The following MTMR7 variants were observed in gnomAD, a reference collection of about 807,000 sequenced individuals.
The protein encoded by MTMR7 is myotubularin related protein 7, also known as phosphatidylinositol-3-phosphate phosphatase MTMR7.
In MTMR7, 76 loss-of-function variants were observed where a neutral mutation model predicts 81.2. That is an observed-to-expected ratio of 0.94 (90% confidence interval 0.78 to 1.13). The LOEUF is 1.13. Ranked by LOEUF, MTMR7 falls within the 50% of genes most tolerant of loss-of-function variation. MTMR7 has a pLI of 0.00. For missense variants in MTMR7, 1,044 were observed against 820.0 expected (o/e 1.27, Z -3.34); for synonymous variants, 372 against 289.8 (o/e 1.28, Z -2.88).
intron 7 of MTMR7, chr8:17,326,458 T>G (rs951525458): frequency 2.6e-5 from 4 of 152,230 alleles, no homozygotes; most frequent in African/African-American, 9.6e-5. Flanking sequence ...TAATGATCCT[T>G]GTGGTCACAA....
chr8:17,304,270 C>G (rs764680380), intron 12 of MTMR7, 109 bp downstream of exon 12: 31 of 1,252,178 alleles, frequency 2.5e-5, no homozygotes, highest in Non-Finnish European at 3.4e-5. Flanking sequence ...TCTTTTGTGT[C>G]CAATAAAAGC....
chr8:17,302,873 T>C (rs1371910297), intron 12 of MTMR7, among the ~76,000 whole-genome samples: 1 of 151,794 alleles, frequency 6.6e-6, no homozygotes, highest in Admixed American at 6.6e-5. Flanking sequence ...CCACCATGCC[T>C]AATTTTATAT....
At chr8:17,359,619 G>A (rs2150555865) in intron 4 of MTMR7, among the ~76,000 whole-genome samples, 1 of 145,506 alleles carries the variant, frequency 6.9e-6, no homozygotes, top group Non-Finnish European at 1.5e-5. Context: ...AAATCCCTGT[G>A]ACAAGGTCAA....
intron 1 of MTMR7, among the ~76,000 whole-genome samples, chr8:17,413,053 C>A (rs980164490): frequency 6.6e-6 from 1 of 152,214 alleles, no homozygotes; most frequent in Non-Finnish European, 1.5e-5. Flanking sequence ...AGAGGTCAGA[C>A]CCAGCAGCAG....
chr8:17,316,810 C>T (rs1818107361), intron 7 of MTMR7, among the ~76,000 whole-genome samples: 1 of 151,996 alleles, frequency 6.6e-6, no homozygotes, highest in Non-Finnish European at 1.5e-5. Context: ...TGCAAATACA[C>T]CATGTTATTA....
chr8:17,405,206 G>A (rs1243417916), intron 1 of MTMR7, among the ~76,000 whole-genome samples: 1 of 152,178 alleles, frequency 6.6e-6, no homozygotes, highest in Non-Finnish European at 1.5e-5. Flanking sequence ...TCAAATACTA[G>A]GGGATTCACT....
chr8:17,332,842 G>A (rs889560662), intron 6 of MTMR7, among the ~76,000 whole-genome samples: 7 of 152,026 alleles, frequency 4.6e-5, no homozygotes, highest in South Asian at 4.2e-4. Context: ...AAGTTTTTGC[G>A]TGTTTATCAA....
intron 4 of MTMR7, among the ~76,000 whole-genome samples, chr8:17,351,692 T>C (rs916090205): frequency 6.6e-6 from 1 of 152,126 alleles, no homozygotes; most frequent in African/African-American, 2.4e-5. Flanking sequence ...GAGCACTGGG[T>C]CTAGGGGAAA....
intron 5 of MTMR7, among the ~76,000 whole-genome samples, chr8:17,347,440 C>T (rs11993005): frequency 6.6e-6 from 1 of 151,994 alleles, no homozygotes; most frequent in Non-Finnish European, 1.5e-5. Flanking sequence ...ATGAAGCTGG[C>T]ATTGCTCCAG....
intron 7 of MTMR7, among the ~76,000 whole-genome samples, chr8:17,319,757 A>AGGCTCCAGTCT (rs948544337): frequency 9.2e-5 from 14 of 152,302 alleles, no homozygotes; most frequent in Admixed American, 9.2e-4. Context: ...TGGTGAGACG[A>AGGCTCCAGTCT]GGCTCCAGTC....
chr8:17,334,708 T>C (rs1267039970), intron 6 of MTMR7, among the ~76,000 whole-genome samples: 1 of 152,044 alleles, frequency 6.6e-6, no homozygotes, highest in Non-Finnish European at 1.5e-5. Flanking sequence ...GAACTGACAA[T>C]GGAAAGGAAA....
rs779144225 is a variant in MTMR7 at position 17,373,150 on chromosome 8, C to G, written c.115G>C (p.Glu39Gln). Residue 39 changes from glutamate to glutamine, a missense_variant, in exon 2 of 14, where the codon GAA becomes CAA. Coordinates refer to ENST00000180173, the MANE Select transcript of MTMR7 (RefSeq NM_004686.5). ...TCTTTTCTTGGGTCAGGTGAATTTTCCACGAATATGACATGGGTAGCCGTC... is the reference window on the plus strand; with the variant it reads ...TCTTTTCTTGGGTCAGGTGAATTTTGCACGAATATGACATGGGTAGCCGTC... ...YLTATHVIFV[E>Q]NSPDPRKETW... is the part of the protein sequence containing the mutation. 1.1e-5 allele frequency: 18 copies of G among 1,613,648 alleles called. No homozygotes were observed. Among genetic ancestry groups the G allele is most frequent in the Non-Finnish European group, 1.5e-5 (18 of 1,179,790 alleles).
chr8:17,390,073 T>TA (rs71215250), intron 1 of MTMR7, among the ~76,000 whole-genome samples: 8,896 of 131,816 alleles, frequency 0.067, 838 homozygotes, highest in African/African-American at 0.21. Flanking sequence ...GGGAATATGT[T>TA]AAAAAAAAAA....
chr8:17,313,304 G>A lies in MTMR7; in HGVS notation c.963C>T (p.Ile321=), dbSNP rs1290279609. The A allele has an allele frequency of 6.2e-7, 1 of 1,610,810 alleles. No individual in the cohort carries two copies. The highest frequency in any genetic ancestry group is 8.5e-7 in the Non-Finnish European group (1 of 1,177,528). The change falls in exon 8 of 14, where the codon ATC becomes ATT. Residue 321 remains isoleucine, a synonymous_variant. Transcript: ENST00000180173. ...RHIKAIMDAG[I]FIAKAVSEEG... is the part of the protein sequence containing the mutation. The stretch of plus-strand genomic sequence containing the variant: ...TGCAATTGCATACCTTTGCAATGAA[G>A]ATTCCTGCATCCATTATGGCTTTAA...
chr8:17,391,919 T>G (rs1306792618), intron 1 of MTMR7, among the ~76,000 whole-genome samples: 3 of 152,200 alleles, frequency 2.0e-5, no homozygotes, highest in Non-Finnish European at 4.4e-5. Flanking sequence ...TCCTGGGAAG[T>G]ACTTTTACTC....
At chr8:17,341,763 C>T (rs1347228485) in intron 5 of MTMR7, among the ~76,000 whole-genome samples, 1 of 152,186 alleles carries the variant, frequency 6.6e-6, no homozygotes, top group African/African-American at 2.4e-5. Flanking sequence ...TTATGATATT[C>T]AAAACCATTT....
At chr8:17,354,955 T>C (rs572460876) in intron 4 of MTMR7, among the ~76,000 whole-genome samples, 147 of 152,292 alleles carry the variant, frequency 9.7e-4, no homozygotes, top group African/African-American at 3.3e-3. Context: ...TGTTCCTTGT[T>C]AGTTTTGTTT....
chr8:17,404,871 G>C (rs1821532698), intron 1 of MTMR7, among the ~76,000 whole-genome samples: 1 of 152,212 alleles, frequency 6.6e-6, no homozygotes, highest in African/African-American at 2.4e-5. Context: ...TGTAGCCCAA[G>C]CTGGAGTGCA....
At chr8:17,312,809 A>T (rs921038095) in intron 8 of MTMR7, among the ~76,000 whole-genome samples, 4 of 151,650 alleles carry the variant, frequency 2.6e-5, no homozygotes, top group African/African-American at 9.7e-5. Context: ...TTATTTCTTT[A>T]AAAAAAACTG....
Sources: allele counts gnomAD v4.1 joint callset (sites outside exome capture counted in the v4.1 genomes callset), GRCh38; gene constraint gnomAD v4.1.1; transcripts MANE v1.5; gene names NCBI Gene and HGNC (gene_info 2026-07-23, HGNC 2026-07-21).